ABHD15: variants seen among roughly 807,000 people sequenced by gnomAD.
The protein encoded by ABHD15 is abhydrolase domain containing 15.
ABHD15 carries 34 observed loss-of-function variants against 34.4 expected under a neutral mutation model. That is an observed-to-expected ratio of 0.99 (90% CI 0.75 to 1.32). ABHD15 has a LOEUF of 1.32. Among genes scored for constraint, ABHD15 ranks in the 40% most tolerant of loss-of-function variants. ABHD15 has a pLI of 0.00. For synonymous variants in ABHD15, 314 were observed against 299.2 expected, an observed-to-expected ratio of 1.05 and a Z score of -0.51; for missense variants, 644 against 650.4, an observed-to-expected ratio of 0.99 and a Z score of 0.11.
rs1598546530 is a variant in ABHD15, at chr17:29,567,000, G to A, written c.-34C>T. 1 of 1,276,432 alleles carries A rather than the reference G, an allele frequency of 7.8e-7. No individual in the cohort carries two copies. The highest frequency in any genetic ancestry group is 9.8e-7 in the Non-Finnish European group (1 of 1,016,090). The allele number at this position is 1,276,432 out of a possible 1,614,324, so 79.1% of individuals were successfully genotyped here. A position where few individuals can be genotyped will look rare whatever the true frequency, so the allele number is the denominator to read the frequency against. ...TGGAGAGCCCCGGCGGGCAGCGGGC[G>A]GCGGGGCCGTCTACTCGGCGAGCTC... On this transcript the variant is annotated 5_prime_UTR_variant, in exon 1 of 2. Coordinates refer to ENST00000307201, the MANE Select transcript of ABHD15 (RefSeq NM_198147.3).
chr17:29,564,713 G>T (rs943560044), intron 1 of ABHD15, among the ~76,000 whole-genome samples: 6 of 152,114 alleles, frequency 3.9e-5, no homozygotes, highest in Non-Finnish European at 7.4e-5. Context: ...AATTAACCGG[G>T]CATGGTGGCA....
chr17:29,562,468 T>C lies in ABHD15; in HGVS notation c.*93A>G. On this transcript the variant is annotated 3_prime_UTR_variant, in exon 2 of 2. Coordinates refer to ENST00000307201, the MANE Select transcript of ABHD15 (RefSeq NM_198147.3). ...TGAATGAGGAGCACAGAGCTGGAGC[T>C]CCCTCTGTTCAGTCCGCCCCATCTT... The C allele has an allele frequency of 7.4e-7, 1 of 1,355,104 alleles. No homozygotes were observed. Among genetic ancestry groups the C allele is most frequent in the Admixed American group, 2.3e-5 (1 of 43,950 alleles). 83.9% of individuals were successfully genotyped at this position (1,355,104 alleles called of 1,614,324 possible).
chr17:29,564,142 G>A (rs956605289), intron 1 of ABHD15, among the ~76,000 whole-genome samples: 1 of 152,234 alleles, frequency 6.6e-6, no homozygotes, highest in East Asian at 1.9e-4. Flanking sequence ...AACTTGCTAT[G>A]AACTGTAACC....
rs2032636394 is a variant in ABHD15 at position 29,562,248 on chromosome 17, C to T, written c.*313G>A. ...GTAAGAGGGCATTTTCTCCTGAGTC[C>T]ATGGATTGAAAAAGTGCTATCCTTT... On this transcript the variant is annotated 3_prime_UTR_variant, in exon 2 of 2. Coordinates refer to ENST00000307201, the MANE Select transcript of ABHD15 (RefSeq NM_198147.3). 2 of 248,124 alleles carry T rather than the reference C, an allele frequency of 8.1e-6. No homozygotes were observed. Among genetic ancestry groups the T allele is most frequent in the Non-Finnish European group, 1.6e-5 (2 of 128,674 alleles). 15.4% of individuals were successfully genotyped at this position (248,124 alleles called of 1,614,324 possible).
Position 29,562,856 on chromosome 17 carries a change from G to A in ABHD15, c.1112C>T (p.Thr371Ile), listed in dbSNP as rs2032647177. The change falls in exon 2 of 2, where the codon ACA (threonine) becomes ATA (isoleucine). Residue 371 changes from threonine (T) to isoleucine (I), a missense_variant. By Grantham distance (89) the Thr-to-Ile change is moderately conservative. Coordinates refer to ENST00000307201, the MANE Select transcript of ABHD15 (RefSeq NM_198147.3). ...GGGGTTGCTGTGGAAGAGTTCAGTT[G>A]TCAGAGTGTGGTCTGGGGGTCCACA... ...PVCGPPDHTLTTELFHSNPYF... is the reference protein window; with the variant it reads ...PVCGPPDHTLITELFHSNPYF... The A allele has an allele frequency of 2.5e-6, 4 of 1,614,118 alleles. No homozygotes were observed. In the East Asian group the frequency reaches 8.9e-5, roughly 36 times the overall value.
In ABHD15 at chr17:29,562,982, G is replaced by A; in HGVS notation, c.986C>T (p.Pro329Leu). 2 of 1,613,914 alleles carry A rather than the reference G, an allele frequency of 1.2e-6. No individual in the cohort carries two copies. The highest frequency in any genetic ancestry group is 1.7e-6 in the Non-Finnish European group (2 of 1,180,044). Residue 329 changes from proline (P) to leucine (L), a missense_variant, in exon 2 of 2, where the codon CCC (proline) becomes CTC (leucine). Transcript: ENST00000307201. ...EALFCHTKSFPISWDTYWDRN... is the reference protein window; with the variant it reads ...EALFCHTKSFLISWDTYWDRN... ...GTCCCAGTAGGTATCCCAGCTGATG[G>A]GGAAGCTTTTGGTGTGGCAGAAGAG... is the stretch of plus-strand genomic sequence containing the variant.
rs776392260 is a variant in ABHD15, at chr17:29,566,607, A to G, written c.360T>C (p.Pro120=). 2 of 1,608,112 alleles carry G rather than the reference A, an allele frequency of 1.2e-6. No individual in the cohort carries two copies. The highest frequency in any genetic ancestry group is 1.7e-6 in the Non-Finnish European group (2 of 1,178,698). Residue 120 remains proline, a synonymous_variant, in exon 1 of 2, where the codon CCT becomes CCC. Coordinates refer to ENST00000307201, the MANE Select transcript of ABHD15 (RefSeq NM_198147.3). ...ACTGCAGGTACTCCCGGGCCAGCTC[A>G]GGCCCAGGCGCTACGGGCAGGACGA... The part of the protein sequence containing the change: ...CHFVLPVAPG[P]ELAREYLQLA...
chr17:29,563,158 GAGAC>G (rs1264197755), intron 1 of ABHD15, 72 bp from the exon 2 acceptor site: 14 of 1,510,496 alleles, frequency 9.3e-6, no homozygotes, highest in African/African-American at 5.5e-5. Flanking sequence ...GACAGCAGAT[GAGAC>G]AGACAGACAG....
intron 1 of ABHD15, among the ~76,000 whole-genome samples, chr17:29,563,949 T>C (rs2032667407): frequency 6.6e-6 from 1 of 152,260 alleles, no homozygotes; most frequent in Non-Finnish European, 1.5e-5. Context: ...AGTGGGAAGA[T>C]CCAGCCACAT....
In ABHD15 at chr17:29,566,913, G is replaced by A. The variant is rs1008007384; in HGVS notation, c.54C>T (p.Leu18=). The A allele has an allele frequency of 8.9e-5, 132 of 1,487,672 alleles. 1 individual carries two copies. In the Middle Eastern group the frequency reaches 1.9e-3, roughly 21 times the overall value. 92.2% of individuals were successfully genotyped at this position (1,487,672 alleles called of 1,614,324 possible). ...LALILAVLAL[L]GLLGPRLRGP... ...CCCGGAGCCGCGGGCCGAGCAGGCC[G>A]AGAAGGGCGAGCACGGCCAAGATGA... The change falls in exon 1 of 2, where the codon CTC becomes CTT. Residue 18 remains leucine (L), a synonymous_variant. Coordinates refer to ENST00000307201, the MANE Select transcript of ABHD15 (RefSeq NM_198147.3).
At chr17:29,563,197 A>C (rs2032656065) in intron 1 of ABHD15, 111 bp from the exon 2 acceptor site, 3 of 1,289,760 alleles carry the variant, frequency 2.3e-6, no homozygotes, top group Non-Finnish European at 3.2e-6. Flanking sequence ...CTGTCCACAG[A>C]GGCTTTCTTT....
At chr17:29,564,918 A>G (rs151018546) in intron 1 of ABHD15, among the ~76,000 whole-genome samples, 40 of 152,228 alleles carry the variant, frequency 2.6e-4, no homozygotes, top group East Asian at 1.4e-3. Context: ...TGATTCCACC[A>G]CTGCACTCCA....
In ABHD15 at chr17:29,562,484, G is replaced by A. The variant is rs1328848978; in HGVS notation, c.*77C>T. The stretch of plus-strand genomic sequence containing the variant: ...AGCTGGAGCTCCCTCTGTTCAGTCC[G>A]CCCCATCTTTCCAGGACTCCCCCTT... On this transcript the variant is annotated 3_prime_UTR_variant, in exon 2 of 2. Transcript: ENST00000307201. 9 of 1,468,142 alleles carry A rather than the reference G, an allele frequency of 6.1e-6. No homozygotes were observed. Among genetic ancestry groups the A allele is most frequent in the East Asian group, 2.3e-5 (1 of 43,886 alleles). The allele number at this position is 1,468,142 out of a possible 1,614,324, so 90.9% of individuals were successfully genotyped here. A position where few individuals can be genotyped will look rare whatever the true frequency, so the allele number is the denominator to read the frequency against.
intron 1 of ABHD15, 95 bp from the exon 2 acceptor site, chr17:29,563,181 C>T: frequency 9.5e-6 from 13 of 1,372,244 alleles, no homozygotes; most frequent in Non-Finnish European, 1.3e-5. Context: ...AGCCCGCAGG[C>T]CAGATCTGTC....
rs1223514878 is a variant in ABHD15, at chr17:29,566,416, C to T, written c.551G>A (p.Arg184His). Residue 184 changes from arginine (R) to histidine (H), a missense_variant, in exon 1 of 2, where the codon CGC becomes CAC. Transcript: ENST00000307201. The part of the protein sequence containing the change: ...VLGLCLLALE[R>H]GYYPVIFHRR... The stretch of plus-strand genomic sequence containing the variant: ...ATGGAAGATGACCGGGTAGTAGCCG[C>T]GCTCCAGGGCGAGCAAGCAAAGGCC... 6 of 1,611,844 alleles carry T rather than the reference C, an allele frequency of 3.7e-6. 1 individual carries two copies. In the Middle Eastern group the frequency reaches 4.9e-4, roughly 133 times the overall value.
At position 29,562,364 on chromosome 17, in the gene ABHD15, A is replaced by G; in HGVS notation, c.*197T>C. 2 of 566,164 alleles carry G rather than the reference A, an allele frequency of 3.5e-6. No individual in the cohort carries two copies. Among genetic ancestry groups the G allele is most frequent in the South Asian group, 2.9e-5 (1 of 34,212 alleles). The allele number at this position is 566,164 out of a possible 1,614,324, so 35.1% of individuals were successfully genotyped here. ...ATATGTTGAGCAGAGGCCAGGCAGGAGTTCTGCTGAGGATGAAGTGAGTGC... is the reference window on the plus strand; with the variant it reads ...ATATGTTGAGCAGAGGCCAGGCAGGGGTTCTGCTGAGGATGAAGTGAGTGC... On this transcript the variant is annotated 3_prime_UTR_variant, in exon 2 of 2. Coordinates refer to ENST00000307201, the MANE Select transcript of ABHD15 (RefSeq NM_198147.3).
chr17:29,565,310 C>CGT (rs971458754), intron 1 of ABHD15, among the ~76,000 whole-genome samples: 14 of 151,472 alleles, frequency 9.2e-5, no homozygotes, highest in South Asian at 8.4e-4. Context: ...TACATATATG[C>CGT]GTGTGTGTGT....
rs1369091028 is a variant in ABHD15, at chr17:29,566,268, C to T, written c.699G>A (p.Ala233=). 4 of 1,610,856 alleles carry T rather than the reference C, an allele frequency of 2.5e-6. No homozygotes were observed. The highest frequency in any genetic ancestry group is 2.5e-6 in the Non-Finnish European group (3 of 1,178,960). Residue 233 remains alanine, a synonymous_variant, in exon 1 of 2, where the codon GCG becomes GCA. Coordinates refer to ENST00000307201, the MANE Select transcript of ABHD15 (RefSeq NM_198147.3). ...RFRHPAAPLF[A]VSEGSGSALL... ...GCGCCGAGCCCGAGCCTTCGCTCAC[C>T]GCGAACAGCGGCGCCGCCGGGTGTC... is the stretch of plus-strand genomic sequence containing the variant.
chr17:29,564,047 C>T (rs987820374), intron 1 of ABHD15, among the ~76,000 whole-genome samples: 1 of 152,200 alleles, frequency 6.6e-6, no homozygotes, highest in Non-Finnish European at 1.5e-5. Flanking sequence ...AGCATCACTG[C>T]ACCTGTCTAT....
Sources: gnomAD v4.1 joint callset for allele counts (sites outside exome capture counted in the v4.1 genomes callset) on GRCh38, gnomAD v4.1.1 for gene constraint, MANE v1.5 for transcripts, NCBI Gene and HGNC (gene_info 2026-07-23, HGNC 2026-07-21) for gene names.